Variants in PRUNE2 observed in about 807,000 individuals in gnomAD.
The protein encoded by PRUNE2 is protein prune homolog 2.
In PRUNE2, 164 loss-of-function variants were observed where a neutral mutation model predicts 252.0. That is an observed-to-expected ratio of 0.65 (90% CI 0.57 to 0.74). The LOEUF (loss-of-function observed/expected upper bound fraction) is 0.74. Among genes scored for constraint, PRUNE2 ranks in the 30% least tolerant of loss-of-function variants. The pLI is 0.00. For synonymous variants in PRUNE2, 1,292 were observed against 1,350.2 expected (o/e 0.96, Z 0.94); for missense variants, 3,495 against 3,711.0 (o/e 0.94, Z 1.51).
At chr9:76,843,204 C>G (rs2059487545) in intron 4 of PRUNE2, among the ~76,000 whole-genome samples, 1 of 152,152 alleles carries the variant, frequency 6.6e-6, no homozygotes, top group East Asian at 1.9e-4. Flanking sequence ...ACCACCATTT[C>G]TCAGCAAACT....
chr9:76,629,185 G>GACTT lies in PRUNE2; in HGVS notation c.9149+3_9149+6dup. The GACTT allele has an allele frequency of 1.3e-6, 2 of 1,559,272 alleles. No homozygotes were observed. Among genetic ancestry groups the GACTT allele is most frequent in the Non-Finnish European group, 1.8e-6 (2 of 1,136,494 alleles). ...CTTAACACATCTCTGAAACTGTCAG[G>GACTT]ACTTACTTGATGATGCTCTCTGGAA... On this transcript the variant is annotated splice_region_variant and intron_variant, in intron 16 of 18. Transcript: ENST00000376718.
intron 12 of PRUNE2, chr9:76,641,877 C>A: frequency 7.0e-7 from 1 of 1,436,932 alleles, no homozygotes; most frequent in South Asian, 1.4e-5. Flanking sequence ...ATGTCACAGT[C>A]GCAACCAAAA....
chr9:76,849,309 C>G (rs1463968747), intron 3 of PRUNE2, among the ~76,000 whole-genome samples: 1 of 152,146 alleles, frequency 6.6e-6, no homozygotes, highest in East Asian at 1.9e-4. Flanking sequence ...CAAAAAAAAT[C>G]AATCCTTCTC....
chr9:76,801,397 G>A (rs1220556148), intron 6 of PRUNE2, among the ~76,000 whole-genome samples: 1 of 152,054 alleles, frequency 6.6e-6, no homozygotes, highest in East Asian at 1.9e-4. Context: ...ACATCCCTTA[G>A]CAGATTATTA....
intron 10 of PRUNE2, among the ~76,000 whole-genome samples, chr9:76,653,864 G>A (rs1263516891): frequency 6.6e-6 from 1 of 152,118 alleles, no homozygotes; most frequent in Non-Finnish European, 1.5e-5. Context: ...ATTGTAGTAT[G>A]CATCTTCCCG....
intron 9 of PRUNE2, among the ~76,000 whole-genome samples, chr9:76,699,594 G>A (rs942432395): frequency 2.6e-5 from 4 of 152,130 alleles, no homozygotes; most frequent in East Asian, 1.9e-4. Flanking sequence ...TCACATTCAC[G>A]ACTGCAATGC....
intron 2 of PRUNE2, among the ~76,000 whole-genome samples, chr9:76,853,022 T>C (rs1271744956): frequency 1.3e-5 from 2 of 152,224 alleles, no homozygotes; most frequent in Non-Finnish European, 2.9e-5. Context: ...AGTGACATTT[T>C]CTTCTAGGAG....
chr9:76,617,909 G>C (rs1200265541), intron 18 of PRUNE2, among the ~76,000 whole-genome samples: 2 of 152,170 alleles, frequency 1.3e-5, no homozygotes, highest in African/African-American at 2.4e-5. Context: ...ACTGCTCAAG[G>C]GGGGTGCTGT....
At chr9:76,863,582 TTGCATTAAGTA>T (rs1279977192) in intron 1 of PRUNE2, among the ~76,000 whole-genome samples, 1 of 152,236 alleles carries the variant, frequency 6.6e-6, no homozygotes, top group African/African-American at 2.4e-5. Flanking sequence ...TTCAATAAAG[TTGCATTAAGTA>T]TGCAATAAGC....
rs530864613 is a variant in PRUNE2 at position 76,729,778 on chromosome 9, A to T, written c.757-16057T>A. On this transcript the variant is annotated intron_variant, in intron 6 of 18. Transcript: ENST00000376718. ...AGTATTTTTTTCTTTTAAAATATTT[A>T]AAAGCATGGGTTTATAGGAGCTTTC... 1.5e-4 allele frequency among the ~76,000 whole-genome samples: 23 copies of T among 152,280 alleles called. No individual in the cohort carries two copies. The South Asian group carries it at 4.6e-3, about 30-fold the overall frequency.
At chr9:76,826,173 C>T (rs2058333197) in intron 5 of PRUNE2, among the ~76,000 whole-genome samples, 1 of 152,168 alleles carries the variant, frequency 6.6e-6, no homozygotes, top group African/African-American at 2.4e-5. Context: ...AGGTGAAACA[C>T]ATTCAAATGT....
intron 6 of PRUNE2, among the ~76,000 whole-genome samples, chr9:76,763,417 T>C (rs968992318): frequency 1.3e-5 from 2 of 152,172 alleles, no homozygotes; most frequent in Admixed American, 1.3e-4. Flanking sequence ...AGCATAGGCG[T>C]GCTTCTGGGA....
intron 1 of PRUNE2, among the ~76,000 whole-genome samples, chr9:76,881,462 A>G (rs2061780419): frequency 6.6e-6 from 1 of 152,202 alleles, no homozygotes; most frequent in African/African-American, 2.4e-5. Context: ...TGAACAATTC[A>G]ATGGAATTTA....
chr9:76,717,514 C>T (rs2047255736), intron 6 of PRUNE2, among the ~76,000 whole-genome samples: 1 of 152,148 alleles, frequency 6.6e-6, no homozygotes, highest in Non-Finnish European at 1.5e-5. Flanking sequence ...TGATAAATTA[C>T]TGTTTTAGTT....
intron 1 of PRUNE2, among the ~76,000 whole-genome samples, chr9:76,855,077 A>AT (rs2060172508): frequency 7.3e-6 from 1 of 137,910 alleles, no homozygotes; most frequent in African/African-American, 2.7e-5. Context: ...AAAAAAAAAA[A>AT]AAAAAATATA....
At chr9:76,868,186 T>C (rs1372693331) in intron 1 of PRUNE2, among the ~76,000 whole-genome samples, 2 of 152,190 alleles carry the variant, frequency 1.3e-5, no homozygotes, top group East Asian at 3.9e-4. Flanking sequence ...AGTACATACA[T>C]GACAGGCAGT....
intron 6 of PRUNE2, among the ~76,000 whole-genome samples, chr9:76,791,901 T>C (rs1376820370): frequency 6.6e-6 from 1 of 151,916 alleles, no homozygotes; most frequent in Non-Finnish European, 1.5e-5. Context: ...TTGGGAGAGA[T>C]GCTGGTAGGA....
At chr9:76,676,270 AT>A (rs5898498) in intron 9 of PRUNE2, among the ~76,000 whole-genome samples, 269 of 145,476 alleles carry the variant, frequency 1.8e-3, no homozygotes, top group African/African-American at 6.3e-3. Flanking sequence ...TTCCACTCAA[AT>A]TTTTTTTTTT....
chr9:76,905,852 G>C, intron 1 of PRUNE2, 76 bp downstream of exon 1: 2 of 1,586,202 alleles, frequency 1.3e-6, no homozygotes, highest in Non-Finnish European at 1.7e-6. Context: ...CTCCTCTGCT[G>C]CAACACCTTT....
Sources: allele counts gnomAD v4.1 joint callset (sites outside exome capture counted in the v4.1 genomes callset), GRCh38; gene constraint gnomAD v4.1.1; transcripts MANE v1.5; gene names NCBI Gene and HGNC (gene_info 2026-07-23, HGNC 2026-07-21).